RORA: variants seen among roughly 807,000 people sequenced by gnomAD.
The protein encoded by RORA is RAR related orphan receptor A, also known as nuclear receptor ROR-alpha.
A neutral mutation model predicts 69.5 loss-of-function variants in RORA; 7 were observed. The observed-to-expected ratio is 0.10, with a 90% CI of 0.06 to 0.19. The LOEUF (loss-of-function observed/expected upper bound fraction) is 0.19, where lower values mean the gene tolerates loss of function less well. Among genes scored for constraint, RORA ranks in the 10% least tolerant of loss-of-function variants. The pLI is 1.00. For missense variants in RORA, 457 were observed against 663.0 expected (o/e 0.69, Z 3.41); for synonymous variants, 261 against 240.8 (o/e 1.08, Z -0.78).
At chr15:61,071,210 A>G (rs540284035) in intron 1 of RORA, among the ~76,000 whole-genome samples, 2 of 79,334 alleles carry the variant, frequency 2.5e-5, no homozygotes, top group Non-Finnish European at 4.8e-5. Context: ...CTTGGATTTG[A>G]AAAAGGGGAG....
chr15:60,824,203 A>G (rs1306409170), intron 1 of RORA, among the ~76,000 whole-genome samples: 2 of 152,202 alleles, frequency 1.3e-5, no homozygotes, highest in African/African-American at 4.8e-5. Context: ...ATCTTTGTGA[A>G]TGAGGAAGAG....
At chr15:61,118,480 T>G (rs1288194353) in intron 1 of RORA, among the ~76,000 whole-genome samples, 1 of 152,156 alleles carries the variant, frequency 6.6e-6, no homozygotes, top group Non-Finnish European at 1.5e-5. Flanking sequence ...TTTAAAAAAT[T>G]CAGTTTCAGC....
At chr15:61,211,837 C>T (rs1003669875) in intron 1 of RORA, 1 of 152,174 alleles carries the variant, frequency 6.6e-6, no homozygotes, top group Non-Finnish European at 1.5e-5. Context: ...GCAACATCAT[C>T]AACCTCCTTC....
At chr15:60,500,807 T>C (rs1244576926) in intron 9 of RORA, 152 bp downstream of exon 9, 1 of 486,326 alleles carries the variant, frequency 2.1e-6, no homozygotes, top group Non-Finnish European at 3.6e-6. Context: ...AGAGAGGGTG[T>C]TATTTGAAGA....
intron 1 of RORA, among the ~76,000 whole-genome samples, chr15:61,114,104 G>C (rs1441099549): frequency 6.6e-6 from 1 of 152,130 alleles, no homozygotes; most frequent in Non-Finnish European, 1.5e-5. Context: ...AGCCAACAAA[G>C]CTTTAAGTTT....
At chr15:60,639,119 G>A (rs546733638) in intron 2 of RORA, among the ~76,000 whole-genome samples, 1 of 152,014 alleles carries the variant, frequency 6.6e-6, no homozygotes, top group South Asian at 2.1e-4. Flanking sequence ...GTCATAGTAA[G>A]CACTTGAAAT....
intron 1 of RORA, among the ~76,000 whole-genome samples, chr15:60,823,763 C>T (rs1044103663): frequency 5.3e-5 from 8 of 150,834 alleles, no homozygotes; most frequent in Non-Finnish European, 1.2e-4. Context: ...AAGAAAACAC[C>T]AAAAATAAAT....
intron 1 of RORA, among the ~76,000 whole-genome samples, chr15:60,890,562 T>G (rs1428260048): frequency 6.6e-6 from 1 of 152,202 alleles, no homozygotes; most frequent in Non-Finnish European, 1.5e-5. Flanking sequence ...ACCATCGCCC[T>G]GCTCGGGGCC....
In RORA at chr15:60,916,101, G is replaced by C. The variant is rs74017857; in HGVS notation, c.167-237415C>G. ...AAAATCCACTGGGTGGGGCACTGGA[G>C]GGGGAGGTGAGGAGTGATGGAGACA... On this transcript the variant is annotated intron_variant, in intron 1 of 10. Transcript: ENST00000335670. 3.4e-3 allele frequency among the ~76,000 whole-genome samples: 518 copies of C among 152,348 alleles called. 3 individuals carry two copies. The highest frequency in any genetic ancestry group is 0.012 in the African/African-American group (492 of 41,574).
At chr15:60,546,229 G>T (rs1312534434) in intron 2 of RORA, 1 of 152,220 alleles carries the variant, frequency 6.6e-6, no homozygotes, top group Non-Finnish European at 1.5e-5. Context: ...CCAACTAACA[G>T]ATTTCCTAAA....
intron 1 of RORA, among the ~76,000 whole-genome samples, chr15:61,172,353 G>A (rs1376775353): frequency 1.3e-5 from 2 of 152,160 alleles, no homozygotes; most frequent in African/African-American, 2.4e-5. Context: ...GCTACATGAA[G>A]TATCATGAAA....
chr15:61,192,532 G>A (rs776125089), intron 1 of RORA, among the ~76,000 whole-genome samples: 26 of 152,206 alleles, frequency 1.7e-4, no homozygotes, highest in Admixed American at 2.0e-4. Context: ...TCAGCACTGG[G>A]CTCTGCCTCA....
rs1048259155 is a variant in RORA, at chr15:61,146,347, T to C, written c.166+82706A>G. Among the ~76,000 whole-genome samples the C allele has an allele frequency of 2.0e-5, 3 of 152,136 alleles. No homozygotes were observed. In the East Asian group the frequency reaches 5.8e-4, roughly 29 times the overall value. On this transcript the variant is annotated intron_variant, in intron 1 of 10. Coordinates refer to ENST00000335670, the MANE Select transcript of RORA (RefSeq NM_134261.3). ...CATAAATCCCTACTAGTTGCTGTAT[T>C]TCAGAAGTGCCCCCCACCAAAGAAA...
At chr15:60,721,932 C>A (rs915430170) in intron 1 of RORA, among the ~76,000 whole-genome samples, 1 of 152,234 alleles carries the variant, frequency 6.6e-6, no homozygotes, top group Non-Finnish European at 1.5e-5. Flanking sequence ...CCCTAGACGG[C>A]GTGCAACCAA....
In RORA at chr15:61,163,510, A is replaced by C. The variant is rs529686342; in HGVS notation, c.166+65543T>G. 4.4e-4 allele frequency among the ~76,000 whole-genome samples: 67 copies of C among 152,320 alleles called. 1 individual carries two copies. In the South Asian group the frequency reaches 4.8e-3, roughly 11 times the overall value. ...CAAGAAAACACCACCAGCAGCCAAC[A>C]CATAGACCTGAGTCTAATTGTCAGA... On this transcript the variant is annotated intron_variant, in intron 1 of 10. Transcript: ENST00000335670.
Position 60,617,211 on chromosome 15 carries a change from C to A in RORA, c.196+61446G>T, listed in dbSNP as rs573586978. Reference sequence around the variant, plus strand: ...TATAGTCACAGAACCCATCACAGTGCCTGGTATACAGTAGGTGCCATTTTA... The same window carrying A: ...TATAGTCACAGAACCCATCACAGTGACTGGTATACAGTAGGTGCCATTTTA... On this transcript the variant is annotated intron_variant, in intron 2 of 10. Transcript: ENST00000335670. Among the ~76,000 whole-genome samples, 43 of 152,250 alleles carry A rather than the reference C, an allele frequency of 2.8e-4. No individual in the cohort carries two copies. In the South Asian group the frequency reaches 8.5e-3, roughly 30 times the overall value.
chr15:60,965,856 C>G (rs1289156669), intron 1 of RORA, among the ~76,000 whole-genome samples: 1 of 152,164 alleles, frequency 6.6e-6, no homozygotes, highest in Non-Finnish European at 1.5e-5. Flanking sequence ...CTACTACGAA[C>G]CCTCCCCAAT....
intron 1 of RORA, among the ~76,000 whole-genome samples, chr15:61,099,871 C>T (rs2078851542): frequency 6.6e-6 from 1 of 152,190 alleles, no homozygotes; most frequent in Non-Finnish European, 1.5e-5. Flanking sequence ...GTTTGTAGGA[C>T]ACTCCTGGAG....
intron 2 of RORA, among the ~76,000 whole-genome samples, chr15:60,611,558 G>GAAAA (rs1567122905): frequency 4.1e-4 from 1 of 2,456 alleles, no homozygotes; most frequent in Admixed American, 6.0e-3. Flanking sequence ...CTTGAGTTTT[G>GAAAA]CAAAAAAAAA....
Sources: gnomAD v4.1 joint callset for allele counts (sites outside exome capture counted in the v4.1 genomes callset) on GRCh38, gnomAD v4.1.1 for gene constraint, MANE v1.5 for transcripts, NCBI Gene and HGNC (gene_info 2026-07-23, HGNC 2026-07-21) for gene names.